Variants in NLK observed in about 807,000 individuals in gnomAD.
NLK encodes the protein nemo like kinase, also known as serine/threonine-protein kinase NLK.
In NLK, 11 loss-of-function variants were observed where a neutral mutation model predicts 59.0. The observed-to-expected ratio is 0.19, with a 90% CI of 0.12 to 0.31. The LOEUF (loss-of-function observed/expected upper bound fraction) is 0.31. NLK is among the 10% of genes least tolerant of loss of function. NLK has a pLI of 1.00. For missense variants in NLK, 410 were observed against 661.1 expected (o/e 0.62, Z 4.16); for synonymous variants, 235 against 235.9 (o/e 1.00, Z 0.03).
chr17:28,091,449 C>T (rs1904489396), intron 1 of NLK, among the ~76,000 whole-genome samples: 1 of 151,184 alleles, frequency 6.6e-6, no homozygotes, highest in Non-Finnish European at 1.5e-5. Flanking sequence ...TACATTTACA[C>T]ACATGTCTAA....
intron 3 of NLK, among the ~76,000 whole-genome samples, chr17:28,136,764 C>T (rs988101420): frequency 3.9e-5 from 6 of 151,902 alleles, no homozygotes; most frequent in Non-Finnish European, 5.9e-5. Context: ...CCACCATGCC[C>T]GGCTAATTTT....
At chr17:28,190,099 G>A (rs1909254760) in intron 8 of NLK, among the ~76,000 whole-genome samples, 1 of 152,206 alleles carries the variant, frequency 6.6e-6, no homozygotes, top group African/African-American at 2.4e-5. Flanking sequence ...GTAATGTGAA[G>A]AAGTGCTTGG....
intron 4 of NLK, among the ~76,000 whole-genome samples, chr17:28,162,629 T>G (rs566049017): frequency 6.6e-6 from 1 of 152,146 alleles, no homozygotes; most frequent in South Asian, 2.1e-4. Flanking sequence ...AGAGTGAGAC[T>G]CCGTCTCAAA....
intron 3 of NLK, among the ~76,000 whole-genome samples, chr17:28,136,729 A>C (rs1906763580): frequency 6.6e-6 from 1 of 151,974 alleles, no homozygotes; most frequent in Admixed American, 6.6e-5. Flanking sequence ...TCAGCCTCCC[A>C]AGTAGCTGGG....
chr17:28,157,314 C>T (rs1907802732), intron 3 of NLK, among the ~76,000 whole-genome samples: 1 of 152,156 alleles, frequency 6.6e-6, no homozygotes, highest in Non-Finnish European at 1.5e-5. Context: ...GCCTCAGCCT[C>T]CAAGTAACTG....
In NLK at chr17:28,109,558, T is replaced by C. The variant is rs187978241; in HGVS notation, c.459-13045T>C. Among the ~76,000 whole-genome samples, 7 of 152,312 alleles carry C rather than the reference T, an allele frequency of 4.6e-5. No homozygotes were observed. In the East Asian group the frequency reaches 1.4e-3, roughly 29 times the overall value. Reference sequence around the variant, plus strand: ...TCCCAACCCCAGGCAATCACTGAAATGTTCTGTCTCTACACATTTGTTTTT... The same window carrying C: ...TCCCAACCCCAGGCAATCACTGAAACGTTCTGTCTCTACACATTTGTTTTT... On this transcript the variant is annotated intron_variant, in intron 1 of 10. Transcript: ENST00000407008.
In NLK at chr17:28,054,378, A is replaced by AT. The variant is rs767427508; in HGVS notation, c.458+11049dup. 4.6e-5 allele frequency among the ~76,000 whole-genome samples: 7 copies of AT among 152,364 alleles called. No homozygotes were observed. In the East Asian group the frequency reaches 1.3e-3, roughly 29 times the overall value. On this transcript the variant is annotated intron_variant, in intron 1 of 10. Transcript: ENST00000407008. ...TTCTTTTAAAAACACAAGCTAATTA[A>AT]TTATAACACTGTTTAAAACATTTTA...
intron 1 of NLK, among the ~76,000 whole-genome samples, chr17:28,067,981 A>C (rs1322954274): frequency 2.0e-5 from 3 of 151,780 alleles, no homozygotes; most frequent in Non-Finnish European, 4.4e-5. Flanking sequence ...CCTCTACTAA[A>C]AATACAAAAA....
chr17:28,108,734 A>G (rs1905315971), intron 1 of NLK, among the ~76,000 whole-genome samples: 2 of 152,234 alleles, frequency 1.3e-5, no homozygotes. Context: ...GGCCAGAAGT[A>G]TTAAAATTAC....
intron 7 of NLK, among the ~76,000 whole-genome samples, chr17:28,182,791 A>C (rs1196321930): frequency 6.6e-6 from 1 of 152,058 alleles, no homozygotes; most frequent in Non-Finnish European, 1.5e-5. Flanking sequence ...AAGTGGTATG[A>C]TGAAGCAGTG....
chr17:28,188,368 A>AT (rs1909194338), intron 8 of NLK, among the ~76,000 whole-genome samples: 1 of 152,140 alleles, frequency 6.6e-6, no homozygotes, highest in Non-Finnish European at 1.5e-5. Flanking sequence ...TATATTAAGG[A>AT]TTTTTTTTAT....
intron 7 of NLK, among the ~76,000 whole-genome samples, chr17:28,183,293 G>A (rs187941522): frequency 6.6e-6 from 1 of 152,210 alleles, no homozygotes; most frequent in African/African-American, 2.4e-5. Context: ...GAAGGTCAGG[G>A]GTCATTACTC....
At chr17:28,118,844 GC>G (rs2142813998) in intron 1 of NLK, among the ~76,000 whole-genome samples, 1 of 152,258 alleles carries the variant, frequency 6.6e-6, no homozygotes, top group South Asian at 2.1e-4. Context: ...TAAACATGCT[GC>G]TTGAAGTATT....
At chr17:28,173,602 T>C (rs775210502) in intron 7 of NLK, among the ~76,000 whole-genome samples, 3 of 152,202 alleles carry the variant, frequency 2.0e-5, no homozygotes, top group Non-Finnish European at 4.4e-5. Context: ...GATGTATGCT[T>C]GTATGTTAAA....
At chr17:28,060,970 T>C (rs1597658116) in intron 1 of NLK, among the ~76,000 whole-genome samples, 1 of 152,318 alleles carries the variant, frequency 6.6e-6, no homozygotes, top group East Asian at 1.9e-4. Flanking sequence ...TAAATGTCTA[T>C]GAGTAGTAGA....
At chr17:28,050,721 G>A (rs1337485702) in intron 1 of NLK, among the ~76,000 whole-genome samples, 2 of 152,040 alleles carry the variant, frequency 1.3e-5, no homozygotes, top group Non-Finnish European at 2.9e-5. Context: ...AGAACTAAAG[G>A]GCAGTTAGGA....
intron 3 of NLK, among the ~76,000 whole-genome samples, chr17:28,138,643 A>G (rs545170853): frequency 1.3e-3 from 202 of 152,348 alleles, no homozygotes; most frequent in South Asian, 2.3e-3. Context: ...ATGCTTATGT[A>G]AGTGTACTCT....
At chr17:28,183,389 C>T (rs1046492545) in intron 7 of NLK, among the ~76,000 whole-genome samples, 4 of 152,136 alleles carry the variant, frequency 2.6e-5, no homozygotes, top group African/African-American at 9.7e-5. Context: ...AGTGCAGTGG[C>T]ATAAGCACAG....
chr17:28,065,299 G>C (rs758570211), intron 1 of NLK, among the ~76,000 whole-genome samples: 11 of 151,900 alleles, frequency 7.2e-5, no homozygotes, highest in Non-Finnish European at 1.6e-4. Flanking sequence ...AGTGATATTT[G>C]AGTTAAATTT....
Sources: gnomAD v4.1 joint callset for allele counts (sites outside exome capture counted in the v4.1 genomes callset) on GRCh38, gnomAD v4.1.1 for gene constraint, MANE v1.5 for transcripts, NCBI Gene and HGNC (gene_info 2026-07-23, HGNC 2026-07-21) for gene names.